The following VAMP7 variants were observed in gnomAD, a reference collection of about 807,000 sequenced individuals.
VAMP7 encodes vesicle associated membrane protein 7.
VAMP7 carries 14 observed loss-of-function variants against 29.6 expected under a neutral mutation model. The observed-to-expected ratio is 0.47, with a 90% CI of 0.31 to 0.74. VAMP7 has a LOEUF of 0.74. VAMP7 is among the 30% of genes least tolerant of loss of function. The probability of loss-of-function intolerance (pLI) is 0.05; values close to 1 mark genes in which losing one functional copy is unlikely to be tolerated. For synonymous variants in VAMP7, 95 were observed against 88.1 expected (o/e 1.08, Z -0.44); for missense variants, 223 against 262.4 (o/e 0.85, Z 1.04).
At position 155,889,491 on chromosome X, in the gene VAMP7, G is replaced by T. The variant is rs1374161238; in HGVS notation, c.25G>T (p.Ala9Ser). Residue 9 changes from alanine to serine, a missense_variant, in exon 2 of 8, where the codon GCC becomes TCC. Coordinates refer to ENST00000286448, the MANE Select transcript of VAMP7 (RefSeq NM_005638.6). MAILFAVV[A>S]RGTTILAKHA... ...CATGGCGATTCTTTTTGCTGTTGTT[G>T]CCAGGGGGACCACTATCCTTGCCAA... is the stretch of plus-strand genomic sequence containing the variant. The T allele has an allele frequency of 3.1e-6, 5 of 1,613,448 alleles. No homozygotes were observed. In the African/African-American group the frequency reaches 6.7e-5, roughly 22 times the overall value.
At chrX:155,890,300 G>A (rs2065912024) in intron 2 of VAMP7, among the ~76,000 whole-genome samples, 1 of 152,152 alleles carries the variant, frequency 6.6e-6, no homozygotes, top group Admixed American at 6.6e-5. Flanking sequence ...CTTGTGGGCA[G>A]TGGAAAGGCA....
At position 155,892,763 on chromosome X, in the gene VAMP7, T is replaced by TATC. The variant is rs1335822576; in HGVS notation, c.147-2858_147-2857insCAT. 4.1e-4 allele frequency among the ~76,000 whole-genome samples: 62 copies of TATC among 151,436 alleles called. 1 individual carries two copies. Among genetic ancestry groups the TATC allele is most frequent in the African/African-American group, 1.4e-3 (58 of 41,268 alleles). On this transcript the variant is annotated intron_variant, in intron 2 of 7. Transcript: ENST00000286448. ...ACTGTATTATTATTATTATTATTAT[T>TATC]ATTATTGAGACGAAGTTTCGCTTTT...
At position 155,942,153 on chromosome X, in the gene VAMP7, C is replaced by G. The variant is rs1363527777; in HGVS notation, c.*202C>G. On this transcript the variant is annotated 3_prime_UTR_variant, in exon 8 of 8. Transcript: ENST00000286448. Reference sequence around the variant, plus strand: ...TTATTCCTGTGAACTTCAGATTGAACCATTCATTGCAGCAGTAGCCTTAAA... The same window carrying G: ...TTATTCCTGTGAACTTCAGATTGAAGCATTCATTGCAGCAGTAGCCTTAAA... 3 of 1,550,156 alleles carry G rather than the reference C, an allele frequency of 1.9e-6. No individual in the cohort carries two copies. Among genetic ancestry groups the G allele is most frequent in the Non-Finnish European group, 2.6e-6 (3 of 1,145,898 alleles).
At chrX:155,935,464 G>A (rs889131870) in intron 6 of VAMP7, among the ~76,000 whole-genome samples, 3 of 151,808 alleles carry the variant, frequency 2.0e-5, no homozygotes, top group African/African-American at 2.4e-5. Flanking sequence ...CTTCAATCAC[G>A]GATACCCTTT....
chrX:155,912,936 A>G (rs1313192531), intron 5 of VAMP7, among the ~76,000 whole-genome samples: 6 of 152,184 alleles, frequency 3.9e-5, no homozygotes, highest in African/African-American at 9.7e-5. Context: ...GAATCGCCAC[A>G]CTGTCTTTGA....
intron 7 of VAMP7, among the ~76,000 whole-genome samples, chrX:155,940,735 T>C (rs940731026): frequency 4.6e-5 from 7 of 152,166 alleles, no homozygotes; most frequent in African/African-American, 1.4e-4. Flanking sequence ...CTGTGACAAA[T>C]AGTCAACTTT....
At chrX:155,881,677 T>G (rs1284849552) in intron 1 of VAMP7, among the ~76,000 whole-genome samples, 1 of 152,086 alleles carries the variant, frequency 6.6e-6, no homozygotes, top group African/African-American at 2.4e-5. Flanking sequence ...TCACTTAAGC[T>G]GTCATTACAG....
In VAMP7 at chrX:155,942,366, T is replaced by G. The variant is rs1386028634; in HGVS notation, c.*415T>G. 1.8e-5 allele frequency: 10 copies of G among 559,582 alleles called. No homozygotes were observed. In the African/African-American group the frequency reaches 1.9e-4, roughly 10 times the overall value. 34.7% of individuals were successfully genotyped at this position (559,582 alleles called of 1,614,324 possible). A position where few individuals can be genotyped will look rare whatever the true frequency, so the allele number is the denominator to read the frequency against. ...TTGCTAACATCTCATCTTAATGTCTTTTGTTATTGAGAAGTTTTAGGTGCT... is the reference window on the plus strand; with the variant it reads ...TTGCTAACATCTCATCTTAATGTCTGTTGTTATTGAGAAGTTTTAGGTGCT... On this transcript the variant is annotated 3_prime_UTR_variant, in exon 8 of 8. Transcript: ENST00000286448.
chrX:155,915,947 A>G (rs184278103), intron 5 of VAMP7, among the ~76,000 whole-genome samples: 113 of 152,262 alleles, frequency 7.4e-4, no homozygotes, highest in African/African-American at 2.5e-3. Context: ...TCTAATATTG[A>G]CAGTGGGTGT....
chrX:155,935,606 CT>C (rs1479930956), intron 6 of VAMP7, among the ~76,000 whole-genome samples: 2 of 152,036 alleles, frequency 1.3e-5, no homozygotes, highest in African/African-American at 2.4e-5. Flanking sequence ...TTCATCTAAT[CT>C]TTTTTTCAAG....
At chrX:155,934,064 A>G (rs2124393916) in intron 6 of VAMP7, among the ~76,000 whole-genome samples, 1 of 152,278 alleles carries the variant, frequency 6.6e-6, no homozygotes, top group South Asian at 2.1e-4. Context: ...GGTCTGAGAG[A>G]CAGTTTGTTA....
At chrX:155,907,712 T>A (rs1282859424) in intron 5 of VAMP7, among the ~76,000 whole-genome samples, 1 of 152,130 alleles carries the variant, frequency 6.6e-6, no homozygotes, top group African/African-American at 2.4e-5. Flanking sequence ...TTTCTCAATC[T>A]TTTCCCCACC....
chrX:155,906,225 C>T (rs1445144444), intron 5 of VAMP7, among the ~76,000 whole-genome samples: 1 of 152,084 alleles, frequency 6.6e-6, no homozygotes, highest in Non-Finnish European at 1.5e-5. Flanking sequence ...CTGCTAATAC[C>T]CCACCCTTGA....
intron 1 of VAMP7, among the ~76,000 whole-genome samples, chrX:155,886,919 A>G (rs2124222227): frequency 6.6e-6 from 1 of 151,248 alleles, no homozygotes; most frequent in Non-Finnish European, 1.5e-5. Context: ...TTCCTTCTGA[A>G]CCTGCACAGG....
rs763355362 is a variant in VAMP7, at chrX:155,907,481, G to A, written c.433+6894G>A. 3.8e-3 allele frequency among the ~76,000 whole-genome samples: 561 copies of A among 148,936 alleles called. 3 individuals carry two copies. Among genetic ancestry groups the A allele is most frequent in the Middle Eastern group, 0.017 (5 of 292 alleles). On this transcript the variant is annotated intron_variant, in intron 5 of 7. Coordinates refer to ENST00000286448, the MANE Select transcript of VAMP7 (RefSeq NM_005638.6). ...TTAGGGAGTGGTGATGACTCTTAAC[G>A]AGCATGCTGCCTTCAAGCATCTGTT...
intron 2 of VAMP7, among the ~76,000 whole-genome samples, chrX:155,894,684 C>T (rs1450669714): frequency 1.3e-5 from 2 of 152,000 alleles, no homozygotes; most frequent in Admixed American, 1.3e-4. Context: ...GGCGCAATCT[C>T]AGCTTACTAC....
chrX:155,888,418 C>T (rs1250961788), intron 1 of VAMP7, among the ~76,000 whole-genome samples: 1 of 152,156 alleles, frequency 6.6e-6, no homozygotes, highest in Non-Finnish European at 1.5e-5. Flanking sequence ...CATACTCTGC[C>T]ACACAAGATG....
chrX:155,916,134 T>C (rs1313134346), intron 5 of VAMP7, among the ~76,000 whole-genome samples: 1 of 152,196 alleles, frequency 6.6e-6, no homozygotes, highest in East Asian at 1.9e-4. Context: ...TTTTTTGATC[T>C]TTGTTGGTTT....
In VAMP7 at chrX:155,942,736, C is replaced by T. The variant is rs1198872112; in HGVS notation, c.*785C>T. The T allele has an allele frequency of 1.3e-5, 2 of 153,116 alleles. No individual in the cohort carries two copies. The highest frequency in any genetic ancestry group is 2.9e-5 in the Non-Finnish European group (2 of 68,812). The allele number at this position is 153,116 out of a possible 1,614,324, so 9.5% of individuals were successfully genotyped here. Reference sequence around the variant, plus strand: ...TTCTTCTGTGAATATTTAGGGCAATCGTGTCGCTAATAGAATATGTAGTAG... The same window carrying T: ...TTCTTCTGTGAATATTTAGGGCAATTGTGTCGCTAATAGAATATGTAGTAG... On this transcript the variant is annotated 3_prime_UTR_variant, in exon 8 of 8. Transcript: ENST00000286448.
Sources: gnomAD v4.1 joint callset for allele counts (sites outside exome capture counted in the v4.1 genomes callset) on GRCh38, gnomAD v4.1.1 for gene constraint, MANE v1.5 for transcripts, NCBI Gene and HGNC (gene_info 2026-07-23, HGNC 2026-07-21) for gene names.